TASP1: variants seen among roughly 807,000 people sequenced by gnomAD.
TASP1 encodes the protein threonine aspartase 1.
A neutral mutation model predicts 56.6 loss-of-function variants in TASP1; 16 were observed. The observed-to-expected ratio is 0.28, with a 90% confidence interval of 0.19 to 0.43. The LOEUF (loss-of-function observed/expected upper bound fraction) is 0.43. Ranked by LOEUF, TASP1 falls within the 20% of genes least tolerant of loss-of-function variation. The pLI, the probability that TASP1 is intolerant of heterozygous loss-of-function variation, is 1.00. For synonymous variants in TASP1, 179 were observed against 184.2 expected, an observed-to-expected ratio of 0.97 and a Z score of 0.23; for missense variants, 393 against 511.6, an observed-to-expected ratio of 0.77 and a Z score of 2.24.
At chr20:13,332,368 T>C in the TASP1 span, among the ~76,000 whole-genome samples, 1 of 152,216 alleles carries the variant, frequency 6.6e-6, no homozygotes, top group African/African-American at 2.4e-5. Flanking sequence ...GTCATCATGT[T>C]GTTTATTTGC....
chr20:13,163,391 T>A, the TASP1 span, among the ~76,000 whole-genome samples: 2,746 of 93,812 alleles, frequency 0.029, 23 homozygotes, highest in Non-Finnish European at 0.043. Flanking sequence ...AAAAAAAAAA[T>A]AGAAATCCTA....
the TASP1 span, among the ~76,000 whole-genome samples, chr20:13,258,673 T>C: frequency 7.9e-5 from 12 of 152,088 alleles, no homozygotes; most frequent in African/African-American, 2.9e-4. Context: ...GTTCTCATGG[T>C]AGAATTCTCG....
chr20:13,219,375 G>C, the TASP1 span, among the ~76,000 whole-genome samples: 1 of 152,078 alleles, frequency 6.6e-6, no homozygotes, highest in Non-Finnish European at 1.5e-5. Flanking sequence ...ATCCTTCCAG[G>C]ATTTAAAAGC....
chr20:13,511,853 G>A (rs934318335), intron 10 of TASP1, among the ~76,000 whole-genome samples: 1 of 150,082 alleles, frequency 6.7e-6, no homozygotes, highest in East Asian at 2.0e-4. Flanking sequence ...AGAACATGAG[G>A]TGTTTGGTTT....
chr20:13,453,472 A>C (rs1168141363), intron 11 of TASP1, among the ~76,000 whole-genome samples: 1 of 152,126 alleles, frequency 6.6e-6, no homozygotes, highest in Non-Finnish European at 1.5e-5. Context: ...AAGTCAAGCA[A>C]GCACTGCTAG....
intron 13 of TASP1, among the ~76,000 whole-genome samples, chr20:13,406,668 C>CTTTTTTT (rs149352395): frequency 8.5e-6 from 1 of 117,692 alleles, no homozygotes; most frequent in Non-Finnish European, 1.8e-5. Flanking sequence ...AGGGTTTTTT[C>CTTTTTTT]TTTTTTTTTT....
intron 5 of TASP1, among the ~76,000 whole-genome samples, chr20:13,581,903 C>T (rs1160329963): frequency 6.6e-6 from 1 of 152,142 alleles, no homozygotes; most frequent in Non-Finnish European, 1.5e-5. Context: ...TGCCCATGAT[C>T]ACAGCGCTGA....
chr20:13,233,673 A>G, the TASP1 span, among the ~76,000 whole-genome samples: 1 of 152,060 alleles, frequency 6.6e-6, no homozygotes, highest in East Asian at 1.9e-4. Context: ...GGAAATTCTG[A>G]CCTTCTGGGC....
chr20:13,205,377 C>T, the TASP1 span, among the ~76,000 whole-genome samples: 22 of 152,278 alleles, frequency 1.4e-4, no homozygotes, highest in African/African-American at 5.1e-4. Context: ...CCAGAGATGG[C>T]CTCCCTCAGA....
chr20:13,268,275 C>G, the TASP1 span, among the ~76,000 whole-genome samples: 10 of 150,798 alleles, frequency 6.6e-5, no homozygotes. Flanking sequence ...CTCTCTCGCT[C>G]CTTCTCTTTC....
chr20:13,192,561 C>A, the TASP1 span, among the ~76,000 whole-genome samples: 2 of 152,082 alleles, frequency 1.3e-5, no homozygotes, highest in East Asian at 3.9e-4. Flanking sequence ...CACACACAGG[C>A]ACACATGACA....
the TASP1 span, among the ~76,000 whole-genome samples, chr20:13,133,458 G>T: frequency 2.0e-5 from 3 of 152,188 alleles, no homozygotes; most frequent in African/African-American, 7.2e-5. Context: ...AACAGGTCGG[G>T]CATGGTGGCT....
chr20:13,195,896 C>T, the TASP1 span, among the ~76,000 whole-genome samples: 1 of 151,956 alleles, frequency 6.6e-6, no homozygotes, highest in Non-Finnish European at 1.5e-5. Flanking sequence ...ATCATGCTGC[C>T]GGGCTAACTA....
rs910340481 is a variant in TASP1 at position 13,435,932 on chromosome 20, A to G, written c.986-778T>C. ...TAAACTTACTATATTAAATACATGT[A>G]TTTTTCTCCCTCCCTCTCCAAATCC... On this transcript the variant is annotated intron_variant, in intron 11 of 13. Coordinates refer to ENST00000337743, the MANE Select transcript of TASP1 (RefSeq NM_017714.3). 8.5e-5 allele frequency among the ~76,000 whole-genome samples: 13 copies of G among 152,176 alleles called. No homozygotes were observed. In the East Asian group the frequency reaches 2.5e-3, roughly 29 times the overall value.
the TASP1 span, among the ~76,000 whole-genome samples, chr20:13,265,590 T>C: frequency 6.6e-6 from 1 of 152,142 alleles, no homozygotes; most frequent in Non-Finnish European, 1.5e-5. Flanking sequence ...ATCTGTGCCT[T>C]CCCCGCCCAA....
chr20:13,145,975 C>T, the TASP1 span, among the ~76,000 whole-genome samples: 123 of 152,262 alleles, frequency 8.1e-4, no homozygotes, highest in Non-Finnish European at 1.2e-3. Context: ...CACATGCATG[C>T]GAATGTTCCT....
the TASP1 span, chr20:13,292,423 G>A: frequency 4.4e-6 from 7 of 1,606,364 alleles, no homozygotes; most frequent in African/African-American, 1.3e-5. Context: ...GTCTGCTTGC[G>A]GGAAGCGAGG....
the TASP1 span, chr20:13,279,498 G>A: frequency 2.7e-4 from 223 of 831,914 alleles, 6 homozygotes; most frequent in South Asian, 3.5e-3. Flanking sequence ...ATTGTGTATC[G>A]CCATGCAATC....
the TASP1 span, among the ~76,000 whole-genome samples, chr20:13,220,351 C>T: frequency 1.8e-4 from 27 of 152,210 alleles, no homozygotes; most frequent in Non-Finnish European, 3.7e-4. Flanking sequence ...CAGCCGGATC[C>T]CAGAGCCCTT....
Sources: gnomAD v4.1 joint callset for allele counts (sites outside exome capture counted in the v4.1 genomes callset) on GRCh38, gnomAD v4.1.1 for gene constraint, MANE v1.5 for transcripts, NCBI Gene and HGNC (gene_info 2026-07-23, HGNC 2026-07-21) for gene names.